Variants in APC observed in about 807,000 individuals in gnomAD.
APC encodes APC regulator of Wnt signaling pathway.
Under a neutral mutation model 247.0 loss-of-function variants are expected in APC, and 72 were observed. That is an observed-to-expected ratio of 0.29 (90% CI 0.24 to 0.35). The LOEUF (loss-of-function observed/expected upper bound fraction) is 0.35, where lower values mean the gene tolerates loss of function less well. APC is among the 10% of genes least tolerant of loss of function. The probability of loss-of-function intolerance (pLI) is 1.00; values close to 1 mark genes in which losing one functional copy is unlikely to be tolerated. For missense variants in APC, 3,400 were observed against 3,360.7 expected, an observed-to-expected ratio of 1.01 and a Z score of -0.29; for synonymous variants, 1,254 against 1,162.5, an observed-to-expected ratio of 1.08 and a Z score of -1.60.
chr5:112,774,566 T>C (rs2149812247), intron 4 of APC, among the ~76,000 whole-genome samples: 1 of 150,992 alleles, frequency 6.6e-6, no homozygotes, highest in Non-Finnish European at 1.5e-5. Flanking sequence ...GCTCAAGTGA[T>C]TCTCCCAGCT....
At chr5:112,741,508 T>C (rs1753013222) in intron 1 of APC, among the ~76,000 whole-genome samples, 1 of 152,232 alleles carries the variant, frequency 6.6e-6, no homozygotes, top group Non-Finnish European at 1.5e-5. Flanking sequence ...TCTCACACCC[T>C]GCACCCACTC....
rs878853462 is a variant in APC, at chr5:112,841,904, A to G, written c.6310A>G (p.Ile2104Val). 5 of 1,614,000 alleles carry G rather than the reference A, an allele frequency of 3.1e-6. No homozygotes were observed. The highest frequency in any genetic ancestry group is 3.4e-6 in the Non-Finnish European group (4 of 1,179,952). The change falls in exon 16 of 16, where the codon ATT becomes GTT. Residue 2104 changes from isoleucine (I) to valine (V), a missense_variant. Transcript: ENST00000257430. This position sits in a 1 kb window ranked among gnomAD's most constrained non-coding sequence, Gnocchi z 4.6. ...TTCAGAAAATTTTGATTGGAAAGCT[A>G]TTCAGGAAGGTGCAAATTCCATAGT... ...PDSENFDWKA[I>V]QEGANSIVSS... is the part of the protein sequence containing the mutation.
At chr5:112,814,463 C>G (rs906323391) in intron 8 of APC, among the ~76,000 whole-genome samples, 2 of 152,164 alleles carry the variant, frequency 1.3e-5, no homozygotes, top group Non-Finnish European at 2.9e-5. Context: ...CCAAGTTGTC[C>G]TCGACTCCCA....
chr5:112,733,145 A>G (rs1412631022), upstream of APC, among the ~76,000 whole-genome samples: 3 of 152,240 alleles, frequency 2.0e-5, no homozygotes, highest in South Asian at 2.1e-4. Context: ...GTAAGAAACT[A>G]TAAGTTTTAG....
intron 1 of APC, among the ~76,000 whole-genome samples, chr5:112,716,649 C>T (rs75227962): frequency 0.038 from 5,813 of 152,184 alleles, 109 homozygotes; most frequent in Middle Eastern, 0.085. Flanking sequence ...TGTTAAGATG[C>T]TCCATTATGA....
chr5:112,778,464 A>AT (rs1317488916), intron 5 of APC: 2 of 150,576 alleles, frequency 1.3e-5, no homozygotes, highest in African/African-American at 4.9e-5. Flanking sequence ...AGTATTCTAT[A>AT]TTTAAAAAAA....
At chr5:112,736,691 G>A (rs1203858834), upstream of APC, among the ~76,000 whole-genome samples, 4 of 152,148 alleles carry the variant, frequency 2.6e-5, no homozygotes, top group Admixed American at 1.3e-4. Context: ...CGAGGTGGGC[G>A]GATCACAAGG....
At chr5:112,825,865 G>A (rs990792548) in intron 11 of APC, among the ~76,000 whole-genome samples, 4 of 152,026 alleles carry the variant, frequency 2.6e-5, no homozygotes, top group Admixed American at 2.6e-4. Flanking sequence ...CAATCTGTAC[G>A]CTCTTCATAA....
rs2150002687 is a variant in APC, at chr5:112,843,888, G to A, written c.8294G>A (p.Ser2765Asn). 1 of 1,613,956 alleles carries A rather than the reference G, an allele frequency of 6.2e-7. No homozygotes were observed. The highest frequency in any genetic ancestry group is 8.5e-7 in the Non-Finnish European group (1 of 1,179,884). The change falls in exon 16 of 16, where the codon AGC becomes AAC. Residue 2765 changes from serine (S) to asparagine (N), a missense_variant. Physicochemically the swap from Ser to Asn is conservative, Grantham distance 46. Transcript: ENST00000257430. The surrounding 1 kb of genome is among the most constrained non-coding windows in gnomAD (Gnocchi z 4.8). ...SIVERTPFSS[S>N]SSSKHSSPSG... ...GTGGAACGTACCCCATTCAGTTCTA[G>A]CAGCTCAAGCAAACACAGTTCACCT... is the stretch of plus-strand genomic sequence containing the variant.
rs1060503312 is a variant in APC, at chr5:112,838,883, G to A, written c.3289G>A (p.Glu1097Lys). 7.4e-6 allele frequency: 12 copies of A among 1,614,146 alleles called. No homozygotes were observed. Among genetic ancestry groups the A allele is most frequent in the Non-Finnish European group, 1.0e-5 (12 of 1,180,026 alleles). ...LKFQPHFGQQ[E>K]CVSPYRSRGA... ...GTTCCAACCACATTTTGGACAGCAGGAATGTGTTTCTCCATACAGGTCACG... is the reference window on the plus strand; with the variant it reads ...GTTCCAACCACATTTTGGACAGCAGAAATGTGTTTCTCCATACAGGTCACG... The change falls in exon 16 of 16, where the codon GAA becomes AAA. Residue 1097 changes from glutamate to lysine, a missense_variant. Transcript: ENST00000257430.
At chr5:112,782,328 AAC>A (rs1297611661) in intron 6 of APC, among the ~76,000 whole-genome samples, 1 of 152,156 alleles carries the variant, frequency 6.6e-6, no homozygotes, top group Non-Finnish European at 1.5e-5. Flanking sequence ...TCCCTCCCAC[AAC>A]ACATGGGAGC....
chr5:112,739,112 A>G (rs1752677808), intron 1 of APC, among the ~76,000 whole-genome samples: 1 of 152,270 alleles, frequency 6.6e-6, no homozygotes, highest in Non-Finnish European at 1.5e-5. Flanking sequence ...CTGAATAAAT[A>G]TTTAAGATAT....
intron 8 of APC, among the ~76,000 whole-genome samples, chr5:112,808,762 C>T (rs1761685577): frequency 6.6e-6 from 1 of 152,128 alleles, no homozygotes; most frequent in Non-Finnish European, 1.5e-5. Context: ...GCTGATGACT[C>T]CCCATGATAT....
intron 8 of APC, among the ~76,000 whole-genome samples, chr5:112,810,908 C>G (rs544566251): frequency 1.3e-5 from 2 of 152,164 alleles, no homozygotes; most frequent in African/African-American, 2.4e-5. Context: ...GCCTGTAATC[C>G]CAGCTACTCT....
At chr5:112,734,679 A>G (rs983683422), upstream of APC, among the ~76,000 whole-genome samples, 1 of 152,148 alleles carries the variant, frequency 6.6e-6, no homozygotes, top group African/African-American at 2.4e-5. Flanking sequence ...ATTTTACACT[A>G]GTTAATATTG....
chr5:112,773,661 A>G (rs1446924579), intron 4 of APC, among the ~76,000 whole-genome samples: 1 of 152,220 alleles, frequency 6.6e-6, no homozygotes, highest in African/African-American at 2.4e-5. Context: ...GAATTCTTGT[A>G]TAAGTGGACC....
intron 1 of APC, among the ~76,000 whole-genome samples, chr5:112,742,686 C>G (rs1581079736): frequency 6.6e-6 from 1 of 152,138 alleles, no homozygotes. Flanking sequence ...CTCAATGATT[C>G]TAACAGAAAG....
At chr5:112,789,029 T>C (rs1759289873) in intron 6 of APC, among the ~76,000 whole-genome samples, 1 of 152,222 alleles carries the variant, frequency 6.6e-6, no homozygotes, top group Admixed American at 6.5e-5. Context: ...GTTAAGTGTG[T>C]TGTTTACACA....
chr5:112,801,102 G>A (rs1484618500), intron 7 of APC, among the ~76,000 whole-genome samples, 177 bp from the exon 8 acceptor site: 7 of 152,062 alleles, frequency 4.6e-5, no homozygotes, highest in African/African-American at 1.2e-4. Flanking sequence ...TCCCCTTACC[G>A]AGATAGTCGA....
Sources: allele counts gnomAD v4.1 joint callset (sites outside exome capture counted in the v4.1 genomes callset), GRCh38; gene constraint gnomAD v4.1.1; non-coding constraint Gnocchi (gnomAD v3.1); transcripts MANE v1.5; gene names NCBI Gene and HGNC (gene_info 2026-07-23, HGNC 2026-07-21).